NOS1AP: variants seen among roughly 807,000 people sequenced by gnomAD.
NOS1AP encodes the protein carboxyl-terminal PDZ ligand of neuronal nitric oxide synthase protein.
In NOS1AP, 21 loss-of-function variants were observed where a neutral mutation model predicts 56.2. The observed-to-expected ratio is 0.37, with a 90% CI of 0.26 to 0.54. NOS1AP has a LOEUF of 0.54. Ranked by LOEUF, NOS1AP falls within the 20% of genes least tolerant of loss-of-function variation. The probability of loss-of-function intolerance (pLI) is 0.84; values close to 1 mark genes in which losing one functional copy is unlikely to be tolerated. For missense variants in NOS1AP, 522 were observed against 657.8 expected (o/e 0.79, Z 2.26); for synonymous variants, 270 against 274.6 (o/e 0.98, Z 0.17).
chr1:162,155,369 T>G (rs538021240), intron 2 of NOS1AP, among the ~76,000 whole-genome samples: 93 of 58,176 alleles, frequency 1.6e-3, no homozygotes, highest in Middle Eastern at 8.2e-3. Flanking sequence ...TGTATATATA[T>G]ATAGAGAGAG....
chr1:162,187,671 C>A (rs1430935153), intron 2 of NOS1AP, among the ~76,000 whole-genome samples: 3 of 152,058 alleles, frequency 2.0e-5, no homozygotes, highest in Admixed American at 6.6e-5. Flanking sequence ...GTGTTATAGA[C>A]CTGTGAAAAC....
chr1:162,283,645 C>T (rs761419667), intron 2 of NOS1AP, among the ~76,000 whole-genome samples: 35 of 152,266 alleles, frequency 2.3e-4, no homozygotes, highest in Admixed American at 1.0e-3. Flanking sequence ...CTGACTGGCA[C>T]GGCACATTAA....
intron 9 of NOS1AP, 60 bp from the exon 10 acceptor site, chr1:162,366,992 A>G (rs1316528323): frequency 4.4e-6 from 7 of 1,603,742 alleles, no homozygotes; most frequent in Non-Finnish European, 6.0e-6. Context: ...GAAGGCGGGC[A>G]TCCCAAATCA....
At position 162,191,152 on chromosome 1, in the gene NOS1AP, T is replaced by C. The variant is rs78037844; in HGVS notation, c.177+36676T>C. 2.8e-3 allele frequency among the ~76,000 whole-genome samples: 431 copies of C among 152,318 alleles called. 3 individuals carry two copies. The highest frequency in any genetic ancestry group is 9.9e-3 in the African/African-American group (410 of 41,560). ...GACTTGCCCGTCCATATCAGCCTTATGTAAAGCAGCTCTTCTGTTGGCCTC... is the reference window on the plus strand; with the variant it reads ...GACTTGCCCGTCCATATCAGCCTTACGTAAAGCAGCTCTTCTGTTGGCCTC... On this transcript the variant is annotated intron_variant, in intron 2 of 9. Coordinates refer to ENST00000361897, the MANE Select transcript of NOS1AP (RefSeq NM_014697.3).
intron 1 of NOS1AP, among the ~76,000 whole-genome samples, chr1:162,079,139 G>T (rs899646468): frequency 1.3e-5 from 2 of 152,066 alleles, no homozygotes; most frequent in African/African-American, 4.8e-5. Context: ...GTTCCCAGTG[G>T]CTTGAGGGAC....
At chr1:162,088,262 C>T (rs960776953) in intron 1 of NOS1AP, among the ~76,000 whole-genome samples, 12 of 152,084 alleles carry the variant, frequency 7.9e-5, no homozygotes, top group Non-Finnish European at 1.3e-4. Context: ...CCTCAGAAAC[C>T]TAATTTCATG....
At chr1:162,291,903 CA>C (rs1655294086) in intron 3 of NOS1AP, among the ~76,000 whole-genome samples, 1 of 152,160 alleles carries the variant, frequency 6.6e-6, no homozygotes, top group Non-Finnish European at 1.5e-5. Context: ...ATACTGGAAT[CA>C]CGCTATAGCA....
intron 2 of NOS1AP, among the ~76,000 whole-genome samples, chr1:162,170,831 C>CA (rs1420626791): frequency 6.6e-6 from 1 of 151,676 alleles, no homozygotes; most frequent in Non-Finnish European, 1.5e-5. Context: ...GTCCCACACT[C>CA]AAGAGGCTGA....
At chr1:162,099,814 G>A (rs1358416126) in intron 1 of NOS1AP, among the ~76,000 whole-genome samples, 1 of 151,692 alleles carries the variant, frequency 6.6e-6, no homozygotes, top group Non-Finnish European at 1.5e-5. Flanking sequence ...TCCGATGTGT[G>A]ATGTTCCCCT....
At chr1:162,294,192 G>T (rs1316016545) in intron 3 of NOS1AP, among the ~76,000 whole-genome samples, 2 of 55,246 alleles carry the variant, frequency 3.6e-5, no homozygotes, top group African/African-American at 7.8e-5. Context: ...AGGAAGGAAG[G>T]AAGTAAGGAA....
intron 1 of NOS1AP, among the ~76,000 whole-genome samples, chr1:162,083,406 T>C (rs564709780): frequency 6.6e-6 from 1 of 152,290 alleles, no homozygotes; most frequent in East Asian, 1.9e-4. Context: ...CATTTTCAAA[T>C]TGGCAATTTT....
chr1:162,309,719 G>A (rs1508263), intron 4 of NOS1AP, among the ~76,000 whole-genome samples: 64,159 of 151,980 alleles, frequency 0.42, 14,257 homozygotes, highest in East Asian at 0.59. Context: ...GTGAAAGAAA[G>A]GAGAGCCATG....
chr1:162,242,013 C>T (rs1268777749), intron 2 of NOS1AP, among the ~76,000 whole-genome samples: 1 of 152,162 alleles, frequency 6.6e-6, no homozygotes, highest in Non-Finnish European at 1.5e-5. Flanking sequence ...CAGTAAATGA[C>T]TTTTCTCTCA....
intron 2 of NOS1AP, among the ~76,000 whole-genome samples, chr1:162,270,986 C>A (rs1056954007): frequency 2.0e-5 from 3 of 150,258 alleles, no homozygotes; most frequent in Admixed American, 1.3e-4. Flanking sequence ...TCAAGAGCAG[C>A]TTGGTGGGAG....
At chr1:162,114,026 G>A (rs1321897537) in intron 1 of NOS1AP, among the ~76,000 whole-genome samples, 3 of 152,280 alleles carry the variant, frequency 2.0e-5, no homozygotes, top group East Asian at 1.9e-4. Context: ...AATGTTTCCC[G>A]TGGTGGTGTG....
chr1:162,081,774 A>ATATATT, intron 1 of NOS1AP, among the ~76,000 whole-genome samples: 3 of 44,034 alleles, frequency 6.8e-5, no homozygotes, highest in East Asian at 5.9e-4. Flanking sequence ...ATATATATAT[A>ATATATT]TTTTTTTTTT....
chr1:162,127,842 G>A (rs750665596), intron 1 of NOS1AP, among the ~76,000 whole-genome samples: 5 of 152,194 alleles, frequency 3.3e-5, no homozygotes, highest in Admixed American at 2.0e-4. Flanking sequence ...TCCAACACTG[G>A]GGATTACAAT....
chr1:162,218,055 A>G (rs1480429798), intron 2 of NOS1AP, among the ~76,000 whole-genome samples: 1 of 152,188 alleles, frequency 6.6e-6, no homozygotes, highest in Non-Finnish European at 1.5e-5. Context: ...TTTAAGTATC[A>G]CTAGTAAGTG....
At chr1:162,278,044 A>C (rs908438000) in intron 2 of NOS1AP, among the ~76,000 whole-genome samples, 2 of 152,192 alleles carry the variant, frequency 1.3e-5, no homozygotes, top group African/African-American at 4.8e-5. Flanking sequence ...GCAAAACTAT[A>C]GTAACTTCTT....
Sources: gnomAD v4.1 joint callset for allele counts (sites outside exome capture counted in the v4.1 genomes callset) on GRCh38, gnomAD v4.1.1 for gene constraint, MANE v1.5 for transcripts, NCBI Gene and HGNC (gene_info 2026-07-23, HGNC 2026-07-21) for gene names.